The following SLC16A12 variants were observed in gnomAD, a reference collection of about 807,000 sequenced individuals.
The protein encoded by SLC16A12 is monocarboxylate transporter 12.
Under a neutral mutation model 42.4 loss-of-function variants are expected in SLC16A12, and 17 were observed. The observed-to-expected ratio is 0.40, with a 90% confidence interval of 0.27 to 0.60. The LOEUF (loss-of-function observed/expected upper bound fraction) is 0.60. Ranked by LOEUF, SLC16A12 falls within the 20% of genes least tolerant of loss-of-function variation. The pLI is 0.42. For missense variants in SLC16A12, 544 were observed against 623.0 expected (o/e 0.87, Z 1.35); for synonymous variants, 224 against 229.4 (o/e 0.98, Z 0.21).
chr10:89,439,463 T>C (rs1841866187), intron 5 of SLC16A12, among the ~76,000 whole-genome samples: 1 of 152,186 alleles, frequency 6.6e-6, no homozygotes, highest in African/African-American at 2.4e-5. Context: ...ACAAACTAAA[T>C]TGGAATTCAC....
chr10:89,444,807 C>T (rs528273456), intron 3 of SLC16A12, among the ~76,000 whole-genome samples: 180 of 152,322 alleles, frequency 1.2e-3, no homozygotes, highest in Non-Finnish European at 2.1e-3. Context: ...GGGGCATTGC[C>T]TCACCCAGGA....
intron 2 of SLC16A12, among the ~76,000 whole-genome samples, chr10:89,507,780 C>A (rs1261404811): frequency 6.6e-6 from 1 of 152,148 alleles, no homozygotes; most frequent in Non-Finnish European, 1.5e-5. Context: ...AAGACACAGA[C>A]TGGCAATTGG....
chr10:89,525,655 A>G (rs1217357837), intron 2 of SLC16A12, among the ~76,000 whole-genome samples: 1 of 152,078 alleles, frequency 6.6e-6, no homozygotes, highest in Admixed American at 6.5e-5. Context: ...TTTTTCTAAG[A>G]GTGTTTTTGA....
At chr10:89,480,894 G>T (rs572261764) in intron 2 of SLC16A12, among the ~76,000 whole-genome samples, 1 of 152,128 alleles carries the variant, frequency 6.6e-6, no homozygotes, top group Non-Finnish European at 1.5e-5. Flanking sequence ...TCACTTCTTT[G>T]CAGTATTTAG....
At chr10:89,455,110 G>T (rs930752996) in intron 3 of SLC16A12, among the ~76,000 whole-genome samples, 6 of 152,064 alleles carry the variant, frequency 3.9e-5, no homozygotes, top group African/African-American at 1.4e-4. Context: ...AGGAACATGT[G>T]GTTAGGTGAG....
chr10:89,528,292 A>G (rs17123166), intron 2 of SLC16A12, among the ~76,000 whole-genome samples: 20,434 of 152,242 alleles, frequency 0.13, 1,419 homozygotes, highest in African/African-American at 0.17. Context: ...AACTCAATCA[A>G]TTTAAAGAAA....
rs139143074 is a variant in SLC16A12 at position 89,509,928 on chromosome 10, G to T, written c.-47+24573C>A. On this transcript the variant is annotated intron_variant, in intron 2 of 7. Coordinates refer to ENST00000371790, the MANE Select transcript of SLC16A12 (RefSeq NM_213606.4). Reference sequence around the variant, plus strand: ...CAAAATCAGTGTGCAAAAATCACAAGCATTCCTATACACCGATAACAGACA... The same window carrying T: ...CAAAATCAGTGTGCAAAAATCACAATCATTCCTATACACCGATAACAGACA... 2.6e-3 allele frequency among the ~76,000 whole-genome samples: 390 copies of T among 152,282 alleles called. 2 individuals carry two copies. Among genetic ancestry groups the T allele is most frequent in the South Asian group, 0.013 (62 of 4,820 alleles).
At chr10:89,447,942 T>C (rs1842030142) in intron 3 of SLC16A12, among the ~76,000 whole-genome samples, 1 of 152,000 alleles carries the variant, frequency 6.6e-6, no homozygotes, top group Non-Finnish European at 1.5e-5. Context: ...TCACCACCAA[T>C]CCCACAGAAA....
chr10:89,478,067 G>T (rs1199077240), intron 2 of SLC16A12, among the ~76,000 whole-genome samples: 4 of 152,154 alleles, frequency 2.6e-5, no homozygotes, highest in Non-Finnish European at 5.9e-5. Context: ...TAGTGTTGGA[G>T]AATAACAGTT....
intron 2 of SLC16A12, among the ~76,000 whole-genome samples, chr10:89,529,566 T>C (rs1430869769): frequency 2.0e-5 from 3 of 150,910 alleles, no homozygotes; most frequent in Non-Finnish European, 4.4e-5. Flanking sequence ...TTTTTTTTTT[T>C]TGAGACAGTC....
rs1285443738 is a variant in SLC16A12 at position 89,486,710 on chromosome 10, GAAAGAAAA to G, written c.-46-24094_-46-24087del. Among the ~76,000 whole-genome samples, 6 of 131,160 alleles carry G rather than the reference GAAAGAAAA, an allele frequency of 4.6e-5. 1 individual carries two copies. Among genetic ancestry groups the G allele is most frequent in the Admixed American group, 4.2e-4 (6 of 14,308 alleles). The allele number at this position is 131,160 out of a possible 152,430, so 86.0% of individuals were successfully genotyped here. A position where few individuals can be genotyped will look rare whatever the true frequency, so the allele number is the denominator to read the frequency against. On this transcript the variant is annotated intron_variant, in intron 2 of 7. Coordinates refer to ENST00000371790, the MANE Select transcript of SLC16A12 (RefSeq NM_213606.4). Reference sequence around the variant, plus strand: ...GAAAGAAAAGAAAAGAAAAAAGAAAGAAAGAAAAAAAGAGAAAAACGAAATAAGTAGAA... The same window carrying G: ...GAAAGAAAAGAAAAGAAAAAAGAAAGAAAGAGAAAAACGAAATAAGTAGAA...
intron 2 of SLC16A12, among the ~76,000 whole-genome samples, chr10:89,472,340 A>C (rs1203114974): frequency 6.6e-6 from 1 of 152,054 alleles, no homozygotes; most frequent in Non-Finnish European, 1.5e-5. Flanking sequence ...AAGGCCTAAA[A>C]AAGAGAGAAA....
At chr10:89,546,118 G>T (rs1843741621) in intron 2 of SLC16A12, among the ~76,000 whole-genome samples, 2 of 150,782 alleles carry the variant, frequency 1.3e-5, no homozygotes, top group South Asian at 4.2e-4. Context: ...TACCATTCAG[G>T]ACACAGGCAT....
In SLC16A12 at chr10:89,471,569, A is replaced by G. The variant is rs569690947; in HGVS notation, c.-46-8945T>C. 2.0e-4 allele frequency among the ~76,000 whole-genome samples: 30 copies of G among 152,326 alleles called. No homozygotes were observed. The South Asian group carries it at 5.8e-3, about 29-fold the overall frequency. On this transcript the variant is annotated intron_variant, in intron 2 of 7. Transcript: ENST00000371790. ...TTGTTACAGCTGTTTCCAGTTTTAC[A>G]TTATGAATAAAACTTCTATGAACAT...
intron 2 of SLC16A12, among the ~76,000 whole-genome samples, chr10:89,530,873 G>A (rs1843539622): frequency 6.6e-6 from 1 of 151,932 alleles, no homozygotes; most frequent in African/African-American, 2.4e-5. Flanking sequence ...TCCACTTTTT[G>A]TTCATATGCA....
At chr10:89,434,323 A>C (rs1170633708) in intron 7 of SLC16A12, among the ~76,000 whole-genome samples, 1 of 152,244 alleles carries the variant, frequency 6.6e-6, no homozygotes, top group Non-Finnish European at 1.5e-5. Flanking sequence ...AGTAATGAGT[A>C]TCATGTCTGA....
At chr10:89,528,349 A>G (rs763599273) in intron 2 of SLC16A12, among the ~76,000 whole-genome samples, 32 of 152,370 alleles carry the variant, frequency 2.1e-4, no homozygotes, top group Middle Eastern at 6.8e-3. Flanking sequence ...GAAACACATT[A>G]TTGTTGTAGA....
chr10:89,441,928 G>A (rs2133694461), intron 4 of SLC16A12, among the ~76,000 whole-genome samples: 1 of 152,266 alleles, frequency 6.6e-6, no homozygotes, highest in South Asian at 2.1e-4. Flanking sequence ...GAAGTTCAGG[G>A]GTATATGGCA....
At chr10:89,454,192 G>C (rs1204388987) in intron 3 of SLC16A12, among the ~76,000 whole-genome samples, 1 of 152,004 alleles carries the variant, frequency 6.6e-6, no homozygotes, top group Non-Finnish European at 1.5e-5. Context: ...TGTCCAGCTA[G>C]AGACAAGGTC....
Sources: gnomAD v4.1 joint callset for allele counts (sites outside exome capture counted in the v4.1 genomes callset) on GRCh38, gnomAD v4.1.1 for gene constraint, MANE v1.5 for transcripts, NCBI Gene and HGNC (gene_info 2026-07-23, HGNC 2026-07-21) for gene names.